Variants in ZNF738 observed in about 807,000 individuals in gnomAD.
ZNF738 encodes protein ZNF738.
A neutral mutation model predicts 9.2 loss-of-function variants in ZNF738; 10 were observed. The observed-to-expected ratio is 1.09, with a 90% CI of 0.67 to 1.85. ZNF738 has a LOEUF of 1.85. ZNF738 is among the 40% of genes most tolerant of loss of function. The probability of loss-of-function intolerance (pLI) is 0.00; values close to 1 mark genes in which losing one functional copy is unlikely to be tolerated. For missense variants in ZNF738, 346 were observed against 283.6 expected (o/e 1.22, Z -1.58); for synonymous variants, 113 against 94.5 (o/e 1.20, Z -1.14).
intron 2 of ZNF738, among the ~76,000 whole-genome samples, chr19:21,362,414 C>G (rs968077327): frequency 6.6e-6 from 1 of 152,066 alleles, no homozygotes; most frequent in African/African-American, 2.4e-5. Flanking sequence ...TAAAATGCAC[C>G]TAGGGCAGTC....
chr19:21,369,265 C>T (rs1480359070), intron 2 of ZNF738, among the ~76,000 whole-genome samples: 3 of 151,938 alleles, frequency 2.0e-5, no homozygotes, highest in African/African-American at 4.8e-5. Context: ...CACACCATCA[C>T]GCCTAATTTT....
At chr19:21,371,642 G>A (rs1802293417) in intron 2 of ZNF738, among the ~76,000 whole-genome samples, 1 of 152,200 alleles carries the variant, frequency 6.6e-6, no homozygotes, top group South Asian at 2.1e-4. Context: ...CTGGATACAT[G>A]GTTGAATTAA....
Position 21,387,794 on chromosome 19 carries a change from C to CCTTT in ZNF738, c.*4121_*4124dup, listed in dbSNP as rs1352473582. Among the ~76,000 whole-genome samples, 1 of 152,028 alleles carries CCTTT rather than the reference C, an allele frequency of 6.6e-6. No homozygotes were observed. Among genetic ancestry groups the CCTTT allele is most frequent in the African/African-American group, 2.4e-5 (1 of 41,382 alleles). On this transcript the variant is annotated 3_prime_UTR_variant, in exon 5 of 5. Coordinates refer to ENST00000683779, the MANE Select transcript of ZNF738 (RefSeq NM_001355237.2). ...TACAAACATAAAGAGGGTTGTAGTACCTTTACTTGAATCAAATTTTATTGT... is the reference window on the plus strand; with the variant it reads ...TACAAACATAAAGAGGGTTGTAGTACCTTTCTTTACTTGAATCAAATTTTATTGT...
chr19:21,386,807 T>A lies in ZNF738; in HGVS notation c.*3133T>A, dbSNP rs572882893. On this transcript the variant is annotated 3_prime_UTR_variant, in exon 5 of 5. Coordinates refer to ENST00000683779, the MANE Select transcript of ZNF738 (RefSeq NM_001355237.2). Reference sequence around the variant, plus strand: ...CTCACTGCAACCTCCGTCTCCCAGGTTTAAGCAATTCTGCCTCAGCCTCCC... The same window carrying A: ...CTCACTGCAACCTCCGTCTCCCAGGATTAAGCAATTCTGCCTCAGCCTCCC... 5.8e-6 allele frequency: 1 copy of A among 170,986 alleles called. No homozygotes were observed. The highest frequency in any genetic ancestry group is 1.4e-4 in the South Asian group (1 of 7,208). 10.6% of individuals were successfully genotyped at this position (170,986 alleles called of 1,614,324 possible).
In ZNF738 at chr19:21,388,057, T is replaced by C. The variant is rs971809945; in HGVS notation, c.*4383T>C. 2.0e-5 allele frequency among the ~76,000 whole-genome samples: 3 copies of C among 152,124 alleles called. No homozygotes were observed. The highest frequency in any genetic ancestry group is 4.4e-5 in the Non-Finnish European group (3 of 68,014). On this transcript the variant is annotated 3_prime_UTR_variant, in exon 5 of 5. Transcript: ENST00000683779. The stretch of plus-strand genomic sequence containing the variant: ...TAAATATCAGAATTTATAATAGAAA[T>C]ATATAAGGAACTGACACTGCAGATA...
Position 21,383,385 on chromosome 19 carries a change from T to C in ZNF738, c.839T>C (p.Val280Ala). The C allele has an allele frequency of 2.1e-6, 2 of 974,712 alleles. No individual in the cohort carries two copies. The highest frequency in any genetic ancestry group is 3.2e-6 in the Non-Finnish European group (2 of 622,060). 60.4% of individuals were successfully genotyped at this position (974,712 alleles called of 1,614,324 possible). ...TCCACAACTCTTACTAGACATAAGGTAATTCATGCTGGAGAGAAACACTAC... is the reference window on the plus strand; with the variant it reads ...TCCACAACTCTTACTAGACATAAGGCAATTCATGCTGGAGAGAAACACTAC... The part of the protein sequence containing the change: ...NHSTTLTRHK[V>A]IHAGEKHYKC... Residue 280 changes from valine (V) to alanine (A), a missense_variant, in exon 5 of 5, where the codon GTA becomes GCA. Physicochemically the swap from Val to Ala is moderately conservative, Grantham distance 64 (BLOSUM62 0). Transcript: ENST00000683779.
At chr19:21,376,755 G>A (rs1409455163) in intron 4 of ZNF738, among the ~76,000 whole-genome samples, 5 of 152,008 alleles carry the variant, frequency 3.3e-5, no homozygotes, top group Non-Finnish European at 1.5e-5. Flanking sequence ...TAAAAAATTG[G>A]ATTTTTAGTA....
chr19:21,383,701 A>G lies in ZNF738; in HGVS notation c.*27A>G. On this transcript the variant is annotated 3_prime_UTR_variant, in exon 5 of 5. Coordinates refer to ENST00000683779, the MANE Select transcript of ZNF738 (RefSeq NM_001355237.2). ...GTGGCAAAGCCTTTAATGTATTCGCAACCCTTACTAGACATAAGATAATTC... is the reference window on the plus strand; with the variant it reads ...GTGGCAAAGCCTTTAATGTATTCGCGACCCTTACTAGACATAAGATAATTC... 1.0e-6 allele frequency: 1 copy of G among 996,244 alleles called. No individual in the cohort carries two copies. The highest frequency in any genetic ancestry group is 2.6e-5 in the East Asian group (1 of 38,038). The allele number at this position is 996,244 out of a possible 1,614,324, so 61.7% of individuals were successfully genotyped here. A position where few individuals can be genotyped will look rare whatever the true frequency, so the allele number is the denominator to read the frequency against.
intron 4 of ZNF738, chr19:21,377,514 A>ACACG (rs1196172945): frequency 1.3e-5 from 5 of 394,758 alleles, no homozygotes; most frequent in Admixed American, 4.3e-5. Context: ...ACAGACGTGC[A>ACACG]CACACACACA....
intron 4 of ZNF738, among the ~76,000 whole-genome samples, chr19:21,382,476 A>G (rs1974017866): frequency 6.6e-6 from 1 of 151,948 alleles, no homozygotes; most frequent in African/African-American, 2.4e-5. Context: ...TGACCTCATG[A>G]TCCACATGCT....
chr19:21,364,135 T>C lies in ZNF738; in HGVS notation c.96+2277T>C, dbSNP rs552221157. Among the ~76,000 whole-genome samples, 9 of 138,572 alleles carry C rather than the reference T, an allele frequency of 6.5e-5. No individual in the cohort carries two copies. The Admixed American group carries it at 6.5e-4, about 10-fold the overall frequency. The allele number at this position is 138,572 out of a possible 152,430, so 90.9% of individuals were successfully genotyped here. A position where few individuals can be genotyped will look rare whatever the true frequency, so the allele number is the denominator to read the frequency against. ...ATGTTTGAACCCGGGAGATGGAGGT[T>C]GCAGTGAGCCGAGATCATGCCACTG... On this transcript the variant is annotated intron_variant, in intron 2 of 4. Transcript: ENST00000683779.
At chr19:21,372,828 A>T (rs1973873578) in intron 2 of ZNF738, 1 of 152,020 alleles carries the variant, frequency 6.6e-6, no homozygotes, top group Admixed American at 6.6e-5. Context: ...TAAACATTGC[A>T]TTAGTTCATG....
chr19:21,361,199 A>G (rs1441900000), intron 1 of ZNF738, among the ~76,000 whole-genome samples: 1 of 151,666 alleles, frequency 6.6e-6, no homozygotes, highest in Admixed American at 6.6e-5. Context: ...GTACAGTGGC[A>G]TGGTCTCGGC....
chr19:21,361,415 C>T lies in ZNF738; in HGVS notation c.4-351C>T, dbSNP rs148606208. ...TCGGCCTCCCAAAGTGTGGGGATTACAGGCGTGAGCCACCACACCCAGACC... is the reference window on the plus strand; with the variant it reads ...TCGGCCTCCCAAAGTGTGGGGATTATAGGCGTGAGCCACCACACCCAGACC... On this transcript the variant is annotated intron_variant, in intron 1 of 4. Coordinates refer to ENST00000683779, the MANE Select transcript of ZNF738 (RefSeq NM_001355237.2). Among the ~76,000 whole-genome samples the T allele has an allele frequency of 8.0e-3, 1,217 of 152,350 alleles. 68 individuals carry two copies. Among genetic ancestry groups the T allele is most frequent in the Admixed American group, 0.065 (992 of 15,306 alleles).
In ZNF738 at chr19:21,383,949, TC is replaced by T. The variant is rs1157367657; in HGVS notation, c.*277del. 2.2e-5 allele frequency: 32 copies of T among 1,438,094 alleles called. No homozygotes were observed. Among genetic ancestry groups the T allele is most frequent in the African/African-American group, 2.8e-5 (2 of 71,246 alleles). 89.1% of individuals were successfully genotyped at this position (1,438,094 alleles called of 1,614,324 possible). A position where few individuals can be genotyped will look rare whatever the true frequency, so the allele number is the denominator to read the frequency against. On this transcript the variant is annotated 3_prime_UTR_variant, in exon 5 of 5. Transcript: ENST00000683779. ...ATGTGGCAAAGCTTTTAACTGTTACTCCTACCTTACTGCACATAAGTTGATT... is the reference window on the plus strand; with the variant it reads ...ATGTGGCAAAGCTTTTAACTGTTACTCTACCTTACTGCACATAAGTTGATT...
chr19:21,368,035 C>T (rs1973808429), intron 2 of ZNF738, among the ~76,000 whole-genome samples: 1 of 152,242 alleles, frequency 6.6e-6, no homozygotes. Context: ...ACTGGGACCA[C>T]TATCTGCAGA....
chr19:21,364,584 G>C lies in ZNF738; in HGVS notation c.96+2726G>C, dbSNP rs559233506. Among the ~76,000 whole-genome samples, 14 of 152,228 alleles carry C rather than the reference G, an allele frequency of 9.2e-5. No homozygotes were observed. In the South Asian group the frequency reaches 2.9e-3, roughly 32 times the overall value. On this transcript the variant is annotated intron_variant, in intron 2 of 4. Coordinates refer to ENST00000683779, the MANE Select transcript of ZNF738 (RefSeq NM_001355237.2). ...AAAAGGGTCCCAATCCAAACCCCAA[G>C]AGAGGGTCCTTGGATTTCATTCTAG...
chr19:21,387,969 C>A lies in ZNF738; in HGVS notation c.*4295C>A, dbSNP rs1372242835. ...ACATCAGAAAACACCAGAGTTTATA[C>A]TGAAGAATATTTTTGAAGATGCACT... On this transcript the variant is annotated 3_prime_UTR_variant, in exon 5 of 5. Transcript: ENST00000683779. 6.8e-6 allele frequency among the ~76,000 whole-genome samples: 1 copy of A among 147,620 alleles called. No individual in the cohort carries two copies. Among genetic ancestry groups the A allele is most frequent in the Non-Finnish European group, 1.5e-5 (1 of 67,826 alleles).
chr19:21,365,515 G>T lies in ZNF738; in HGVS notation c.96+3657G>T, dbSNP rs957134983. On this transcript the variant is annotated intron_variant, in intron 2 of 4. Coordinates refer to ENST00000683779, the MANE Select transcript of ZNF738 (RefSeq NM_001355237.2). ...CTGTAACTACTTCATGCTGTATAGG[G>T]GCGATGATATTCTTGCTTAACTATT... 6.6e-5 allele frequency among the ~76,000 whole-genome samples: 10 copies of T among 152,178 alleles called. No homozygotes were observed. In the East Asian group the frequency reaches 9.7e-4, roughly 15 times the overall value.
Sources: gnomAD v4.1 joint callset for allele counts (sites outside exome capture counted in the v4.1 genomes callset) on GRCh38, gnomAD v4.1.1 for gene constraint, MANE v1.5 for transcripts, NCBI Gene and HGNC (gene_info 2026-07-23, HGNC 2026-07-21) for gene names.